The following KCNAB1 variants were observed in gnomAD, a reference collection of about 807,000 sequenced individuals.
The protein encoded by KCNAB1 is voltage-gated potassium channel subunit beta-1.
Under a neutral mutation model 64.6 loss-of-function variants are expected in KCNAB1, and 35 were observed. The observed-to-expected ratio is 0.54, with a 90% CI of 0.41 to 0.72. The LOEUF is 0.72. Among genes scored for constraint, KCNAB1 ranks in the 30% least tolerant of loss-of-function variants. The pLI is 0.00. For synonymous variants in KCNAB1, 177 were observed against 183.8 expected, an observed-to-expected ratio of 0.96 and a Z score of 0.30; for missense variants, 401 against 512.9, an observed-to-expected ratio of 0.78 and a Z score of 2.11.
At chr3:156,458,740 A>G (rs1232932838) in intron 4 of KCNAB1, among the ~76,000 whole-genome samples, 5 of 152,290 alleles carry the variant, frequency 3.3e-5, no homozygotes, top group African/African-American at 1.2e-4. Context: ...ACCAAATGGC[A>G]CTAAGGTAGA....
In KCNAB1 at chr3:156,131,806, C is replaced by G. The variant is rs556662953; in HGVS notation, c.275+10920C>G. 3.9e-5 allele frequency among the ~76,000 whole-genome samples: 6 copies of G among 152,310 alleles called. No individual in the cohort carries two copies. The South Asian group carries it at 1.2e-3, about 32-fold the overall frequency. ...CGACCAGGGGTGGGAAGGGTCCAGT[C>G]AGGTGGGACTTGGGCTGATGAAAAT... On this transcript the variant is annotated intron_variant, in intron 1 of 13. Transcript: ENST00000490337.
At chr3:156,270,117 C>T (rs1217656958) in intron 1 of KCNAB1, among the ~76,000 whole-genome samples, 2 of 152,100 alleles carry the variant, frequency 1.3e-5, no homozygotes, top group South Asian at 2.1e-4. Flanking sequence ...GAGGTTTCAC[C>T]GTGTTAGCCA....
chr3:156,510,524 T>C (rs1483392793), intron 8 of KCNAB1, among the ~76,000 whole-genome samples: 1 of 152,204 alleles, frequency 6.6e-6, no homozygotes, highest in Non-Finnish European at 1.5e-5. Flanking sequence ...TTACTCTTAA[T>C]GTCCCGTGAC....
At chr3:156,183,678 AG>A (rs1713008166) in intron 1 of KCNAB1, among the ~76,000 whole-genome samples, 1 of 152,196 alleles carries the variant, frequency 6.6e-6, no homozygotes, top group East Asian at 1.9e-4. Flanking sequence ...AGGGGTTTGT[AG>A]TACAGAACCT....
chr3:156,443,395 G>A (rs945897537), intron 2 of KCNAB1, among the ~76,000 whole-genome samples: 6 of 152,140 alleles, frequency 3.9e-5, no homozygotes, highest in South Asian at 4.1e-4. Context: ...ATAGAGCATA[G>A]GGGCTGTGGG....
Position 156,498,474 on chromosome 3 carries a change from T to C in KCNAB1, c.659-15890T>C, listed in dbSNP as rs193128487. Among the ~76,000 whole-genome samples, 13 of 152,320 alleles carry C rather than the reference T, an allele frequency of 8.5e-5. No homozygotes were observed. In the East Asian group the frequency reaches 2.3e-3, roughly 27 times the overall value. ...ATGGTTTTAAATACAGGAGTTTCCC[T>C]GCACAACCTCTCTTTTCTTTGCCTG... On this transcript the variant is annotated intron_variant, in intron 8 of 13. Coordinates refer to ENST00000490337, the MANE Select transcript of KCNAB1 (RefSeq NM_172160.3).
intron 1 of KCNAB1, among the ~76,000 whole-genome samples, chr3:156,381,513 C>T (rs1392057741): frequency 6.6e-6 from 1 of 152,224 alleles, no homozygotes. Flanking sequence ...GATGTTCTAA[C>T]ATGGGTGTCT....
chr3:156,169,226 A>G (rs906201447), intron 1 of KCNAB1, among the ~76,000 whole-genome samples: 4 of 152,180 alleles, frequency 2.6e-5, no homozygotes, highest in African/African-American at 4.8e-5. Context: ...GCAACAAATG[A>G]CGAATAAAGC....
chr3:156,440,144 G>C (rs1164958957), intron 2 of KCNAB1, among the ~76,000 whole-genome samples: 1 of 152,144 alleles, frequency 6.6e-6, no homozygotes, highest in Non-Finnish European at 1.5e-5. Flanking sequence ...TAGTCTCTGG[G>C]GATACAGAGT....
intron 1 of KCNAB1, among the ~76,000 whole-genome samples, chr3:156,179,205 C>T (rs908531077): frequency 6.6e-6 from 1 of 151,600 alleles, no homozygotes; most frequent in Non-Finnish European, 1.5e-5. Flanking sequence ...TTATTATGTG[C>T]TTGACACAGT....
chr3:156,491,162 C>A (rs999200684), intron 8 of KCNAB1, among the ~76,000 whole-genome samples: 1 of 151,946 alleles, frequency 6.6e-6, no homozygotes, highest in Non-Finnish European at 1.5e-5. Context: ...TATGTTCCAC[C>A]AACACATAAA....
At chr3:156,289,919 A>G (rs901964203) in intron 1 of KCNAB1, among the ~76,000 whole-genome samples, 1 of 152,136 alleles carries the variant, frequency 6.6e-6, no homozygotes, top group African/African-American at 2.4e-5. Flanking sequence ...CCCTGGGATC[A>G]CTGCCTTCTT....
At chr3:156,317,588 A>C (rs1307762717) in intron 1 of KCNAB1, among the ~76,000 whole-genome samples, 1 of 152,110 alleles carries the variant, frequency 6.6e-6, no homozygotes, top group Non-Finnish European at 1.5e-5. Context: ...CTGCCACTTA[A>C]TAAAGGAAAT....
intron 1 of KCNAB1, among the ~76,000 whole-genome samples, chr3:156,260,435 A>T (rs1576654457): frequency 6.6e-6 from 1 of 151,912 alleles, no homozygotes; most frequent in Non-Finnish European, 1.5e-5. Flanking sequence ...CCCTGTTCCC[A>T]CTCCCAGCCC....
chr3:156,312,723 A>AAAAAAAAAAAAC, intron 1 of KCNAB1, among the ~76,000 whole-genome samples: 1 of 150,920 alleles, frequency 6.6e-6, no homozygotes, highest in Non-Finnish European at 1.5e-5. Flanking sequence ...AAAAAAAAAA[A>AAAAAAAAAAAAC]AAAAAAAACT....
chr3:156,326,098 A>G (rs1175057325), intron 1 of KCNAB1, among the ~76,000 whole-genome samples: 1 of 152,144 alleles, frequency 6.6e-6, no homozygotes, highest in East Asian at 1.9e-4. Context: ...CTTCTCCACC[A>G]GTCATGCCCA....
chr3:156,449,706 T>C (rs1711850060), intron 2 of KCNAB1, among the ~76,000 whole-genome samples: 2 of 152,256 alleles, frequency 1.3e-5, no homozygotes, highest in South Asian at 4.1e-4. Context: ...ATAAATTTTA[T>C]GGTATCTTCA....
intron 1 of KCNAB1, among the ~76,000 whole-genome samples, chr3:156,297,152 C>G (rs1240829792): frequency 1.3e-5 from 2 of 152,172 alleles, no homozygotes; most frequent in African/African-American, 4.8e-5. Context: ...CATCCACTCC[C>G]CCTTCTCCAA....
chr3:156,156,959 G>A (rs978160058), intron 1 of KCNAB1, among the ~76,000 whole-genome samples: 12 of 152,152 alleles, frequency 7.9e-5, no homozygotes, highest in Non-Finnish European at 1.3e-4. Context: ...AATGTGAGGA[G>A]GTAGGAGAGA....
Sources: gnomAD v4.1 joint callset for allele counts (sites outside exome capture counted in the v4.1 genomes callset) on GRCh38, gnomAD v4.1.1 for gene constraint, MANE v1.5 for transcripts, NCBI Gene and HGNC (gene_info 2026-07-23, HGNC 2026-07-21) for gene names.